PSG11: variants seen among roughly 807,000 people sequenced by gnomAD.
PSG11 encodes the protein pregnancy specific beta-1-glycoprotein 11, also known as pregnancy-specific beta-1-glycoprotein 11.
In PSG11, 42 loss-of-function variants were observed where a neutral mutation model predicts 36.0. That is an observed-to-expected ratio of 1.17 (90% CI 0.91 to 1.51). The LOEUF (loss-of-function observed/expected upper bound fraction) is 1.51. Among genes scored for constraint, PSG11 ranks in the 40% most tolerant of loss-of-function variants. The pLI is 0.00. For missense variants in PSG11, 558 were observed against 403.5 expected, an observed-to-expected ratio of 1.38 and a Z score of -3.28; for synonymous variants, 206 against 153.5, an observed-to-expected ratio of 1.34 and a Z score of -2.53.
In PSG11 at chr19:43,008,149, A is replaced by T. The variant is rs1599665152; in HGVS notation, c.*41-107T>A. 1.3e-5 allele frequency: 4 copies of T among 300,798 alleles called. No homozygotes were observed. The East Asian group carries it at 2.0e-4, about 15-fold the overall frequency. 18.6% of individuals were successfully genotyped at this position (300,798 alleles called of 1,614,324 possible). A position where few individuals can be genotyped will look rare whatever the true frequency, so the allele number is the denominator to read the frequency against. On this transcript the variant is annotated intron_variant, in intron 5 of 5. Transcript: ENST00000320078. ...AGATTTAAAATGACTATGTTTAAAA[A>T]TCTAATGAGAATTTATTATGGTAAA... is the stretch of plus-strand genomic sequence containing the variant.
chr19:43,024,177 G>A (rs1967176091), intron 2 of PSG11, among the ~76,000 whole-genome samples: 1 of 151,412 alleles, frequency 6.6e-6, no homozygotes, highest in Non-Finnish European at 1.5e-5. Flanking sequence ...AGCTCCAGGA[G>A]ACACAGTCCT....
In PSG11 at chr19:43,024,870, A is replaced by T; in HGVS notation, c.251T>A (p.Val84Glu). ...TCCATATATAATTATTTGACCGTCT[A>T]CTACATATGATGTAATGTAATGGTA... Reference protein sequence around the residue: ...DLYHYITSYVVDGQIIIYGPA... With the variant: ...DLYHYITSYVEDGQIIIYGPA... Residue 84 changes from valine (V) to glutamate (E), a missense_variant, in exon 2 of 6, where the codon GTA (valine) becomes GAA (glutamate). Val to Glu is a moderately radical substitution (Grantham distance 121). Transcript: ENST00000320078. 1 of 1,611,750 alleles carries T rather than the reference A, an allele frequency of 6.2e-7. No individual in the cohort carries two copies. Among genetic ancestry groups the T allele is most frequent in the Non-Finnish European group, 8.5e-7 (1 of 1,179,062 alleles).
chr19:43,023,434 C>T (rs1400357095), intron 2 of PSG11, among the ~76,000 whole-genome samples: 1 of 150,834 alleles, frequency 6.6e-6, no homozygotes, highest in Non-Finnish European at 1.5e-5. Context: ...GACATGGACA[C>T]TTTGGGAAAC....
chr19:43,022,212 C>T (rs1260145620), intron 2 of PSG11, among the ~76,000 whole-genome samples: 1 of 151,442 alleles, frequency 6.6e-6, no homozygotes, highest in Non-Finnish European at 1.5e-5. Context: ...CAAGGGTTTA[C>T]AAAATTTGTA....
rs183529201 is a variant in PSG11, at chr19:43,023,421, A to G, written c.430+1270T>C. Among the ~76,000 whole-genome samples the G allele has an allele frequency of 1.4e-3, 208 of 151,008 alleles. 9 individuals are homozygous for G. Among genetic ancestry groups the G allele is most frequent in the African/African-American group, 4.9e-3 (202 of 40,926 alleles). ...GTCCTCTCCTTGATCCTCTCATGAC[A>G]GTGACATGGACACTTTGGGAAACAC... is the stretch of plus-strand genomic sequence containing the variant. On this transcript the variant is annotated intron_variant, in intron 2 of 5. Transcript: ENST00000320078.
chr19:43,026,376 C>G lies in PSG11; in HGVS notation c.-4G>C, dbSNP rs1967257543. On this transcript the variant is annotated 5_prime_UTR_variant, in exon 1 of 6. Transcript: ENST00000320078. ...GAGGGGCTGAGAGGGGCCCCATGATCTCTGCTGCGTGCATGTTCTCCTCTG... is the reference window on the plus strand; with the variant it reads ...GAGGGGCTGAGAGGGGCCCCATGATGTCTGCTGCGTGCATGTTCTCCTCTG... The G allele has an allele frequency of 3.1e-6, 5 of 1,609,302 alleles. No individual in the cohort carries two copies. In the East Asian group the frequency reaches 1.1e-4, roughly 36 times the overall value.
chr19:43,013,252 CA>C (rs1974119206), intron 4 of PSG11, among the ~76,000 whole-genome samples: 1 of 151,376 alleles, frequency 6.6e-6, no homozygotes, highest in African/African-American at 2.4e-5. Flanking sequence ...CAAATAAAAT[CA>C]ATAAATCGGA....
intron 4 of PSG11, chr19:43,010,503 G>A (rs1974046841): frequency 8.0e-6 from 7 of 875,654 alleles, no homozygotes; most frequent in African/African-American, 1.7e-5. Context: ...TTTCCTACAG[G>A]CTCCCAGGAA....
In PSG11 at chr19:43,024,906, A is replaced by G; in HGVS notation, c.215T>C (p.Ile72Thr). Reference protein sequence around the residue: ...LTGYIWYKGQIRDLYHYITSY... With the variant: ...LTGYIWYKGQTRDLYHYITSY... ...TGTAATGTAATGGTAGAGGTCCCTG[A>G]TTTGCCCTTTGTACCAGATGTAGCC... Residue 72 changes from isoleucine (I) to threonine (T), a missense_variant, in exon 2 of 6, where the codon ATC (isoleucine) becomes ACC (threonine). By Grantham distance (89) the Ile-to-Thr change is moderately conservative. Coordinates refer to ENST00000320078, the MANE Select transcript of PSG11 (RefSeq NM_002785.3). 2 of 1,611,750 alleles carry G rather than the reference A, an allele frequency of 1.2e-6. No individual in the cohort carries two copies. The highest frequency in any genetic ancestry group is 1.7e-6 in the Non-Finnish European group (2 of 1,179,062).
chr19:43,019,835 C>G (rs1461209269), intron 2 of PSG11: 2 of 151,554 alleles, frequency 1.3e-5, no homozygotes, highest in Non-Finnish European at 2.9e-5. Flanking sequence ...GTGGATCTTT[C>G]TGGAAATACA....
Position 43,025,018 on chromosome 19 carries a change from G to T in PSG11, c.103C>A (p.Gln35Lys). The T allele has an allele frequency of 6.2e-7, 1 of 1,610,924 alleles. No individual in the cohort carries two copies. Among genetic ancestry groups the T allele is most frequent in the South Asian group, 1.1e-5 (1 of 90,804 alleles). ...LNFWNLPTTA[Q>K]VMIEAQPPKV... ...GGTGGCTGGGCTTCAATCATGACTT[G>T]GGCAGTGGTAGGCAAGTTCCAGAAG... Residue 35 changes from glutamine (Q) to lysine (K), a missense_variant, in exon 2 of 6, where the codon CAA (glutamine) becomes AAA (lysine). Coordinates refer to ENST00000320078, the MANE Select transcript of PSG11 (RefSeq NM_002785.3).
chr19:43,019,033 G>A lies in PSG11; in HGVS notation c.446C>T (p.Pro149Leu), dbSNP rs566099096. The A allele has an allele frequency of 6.2e-7, 1 of 1,611,678 alleles. No homozygotes were observed. Among genetic ancestry groups the A allele is most frequent in the African/African-American group, 1.3e-5 (1 of 74,432 alleles). ...TFTLYLETPK[P>L]SISSSNLNPR... is the part of the protein sequence containing the mutation. ...GTTTAAGTTGCTGCTGGAGATGGAG[G>A]GCTTGGGAGTCTCCACTGTGCAGAA... The change falls in exon 3 of 6, where the codon CCC becomes CTC. Residue 149 changes from proline (P) to leucine (L), a missense_variant. Coordinates refer to ENST00000320078, the MANE Select transcript of PSG11 (RefSeq NM_002785.3).
At chr19:43,023,722 T>A (rs1967162555) in intron 2 of PSG11, among the ~76,000 whole-genome samples, 1 of 151,126 alleles carries the variant, frequency 6.6e-6, no homozygotes, top group South Asian at 2.1e-4. Flanking sequence ...GACCCTGATC[T>A]CCCCTTTGCG....
At chr19:43,009,903 C>T in intron 5 of PSG11, 55 bp downstream of exon 5, 3 of 1,378,370 alleles carry the variant, frequency 2.2e-6, no homozygotes, top group South Asian at 1.2e-5. Context: ...TTTCCCTCTC[C>T]CAAGCATGGC....
At chr19:43,024,210 T>G (rs1967177033) in intron 2 of PSG11, among the ~76,000 whole-genome samples, 1 of 151,288 alleles carries the variant, frequency 6.6e-6, no homozygotes, top group Non-Finnish European at 1.5e-5. Flanking sequence ...AAATTCTTGG[T>G]CCCAGTAAGC....
intron 2 of PSG11, chr19:43,024,434 A>C (rs576627415): frequency 3.5e-6 from 2 of 579,220 alleles, no homozygotes; most frequent in Non-Finnish European, 6.1e-6. Context: ...GCTGAGACTG[A>C]TCTCCTCCTG....
At chr19:43,017,347 G>A (rs1035927456) in intron 3 of PSG11, 2 of 151,462 alleles carry the variant, frequency 1.3e-5, no homozygotes, top group Non-Finnish European at 2.9e-5. Context: ...TTTCTTTTCA[G>A]CATCAGATTA....
chr19:43,025,140 C>G (rs942720700), intron 1 of PSG11, 84 bp from the exon 2 acceptor site: 1 of 1,504,932 alleles, frequency 6.6e-7, no homozygotes, highest in Non-Finnish European at 9.0e-7. Flanking sequence ...GAGAAGGTCT[C>G]TTCAATCCTC....
intron 2 of PSG11, among the ~76,000 whole-genome samples, chr19:43,020,646 A>G (rs4029165): frequency 0.54 from 80,792 of 150,858 alleles, 23,440 homozygotes; most frequent in East Asian, 0.99. Context: ...GCAGGATCAC[A>G]TTATGCTCAA....
Sources: allele counts gnomAD v4.1 joint callset (sites outside exome capture counted in the v4.1 genomes callset), GRCh38; gene constraint gnomAD v4.1.1; transcripts MANE v1.5; gene names NCBI Gene and HGNC (gene_info 2026-07-23, HGNC 2026-07-21).